KCNN3: variants seen among roughly 807,000 people sequenced by gnomAD.
The protein encoded by KCNN3 is potassium calcium-activated channel subfamily N member 3.
In KCNN3, 16 loss-of-function variants were observed where a neutral mutation model predicts 62.9. The ratio of observed to expected loss-of-function variants is 0.25; its 90% CI spans 0.17 to 0.39. The LOEUF is 0.39. Ranked by LOEUF, KCNN3 falls within the 10% of genes least tolerant of loss-of-function variation. The pLI is 1.00. For missense variants in KCNN3, 599 were observed against 949.4 expected, an observed-to-expected ratio of 0.63 and a Z score of 4.85; for synonymous variants, 370 against 389.2, an observed-to-expected ratio of 0.95 and a Z score of 0.58.
intron 2 of KCNN3, among the ~76,000 whole-genome samples, chr1:154,782,156 C>T (rs1649079147): frequency 6.6e-6 from 1 of 152,134 alleles, no homozygotes; most frequent in African/African-American, 2.4e-5. Flanking sequence ...GGTAGCAGGA[C>T]CCAGATCATT....
intron 1 of KCNN3, among the ~76,000 whole-genome samples, chr1:154,845,018 A>G (rs540026214): frequency 6.6e-6 from 1 of 151,228 alleles, no homozygotes; most frequent in African/African-American, 2.4e-5. Flanking sequence ...AAAACAAAAA[A>G]AAGAGAGAGA....
At chr1:154,732,293 C>T (rs995839751) in intron 4 of KCNN3, among the ~76,000 whole-genome samples, 3 of 152,122 alleles carry the variant, frequency 2.0e-5, no homozygotes, top group Admixed American at 6.5e-5. Context: ...TGTGCCTCCG[C>T]GAGAGTGTCG....
intron 2 of KCNN3, among the ~76,000 whole-genome samples, chr1:154,802,017 C>T (rs958515941): frequency 6.6e-5 from 10 of 152,138 alleles, no homozygotes; most frequent in Non-Finnish European, 1.0e-4. Flanking sequence ...TTACTGCATG[C>T]GGGGCACTGG....
At chr1:154,797,214 G>T (rs1649771511) in intron 2 of KCNN3, among the ~76,000 whole-genome samples, 1 of 152,186 alleles carries the variant, frequency 6.6e-6, no homozygotes, top group Non-Finnish European at 1.5e-5. Flanking sequence ...CATACTAATG[G>T]TTACCATATT....
At chr1:154,759,281 G>A (rs1571246908) in intron 3 of KCNN3, among the ~76,000 whole-genome samples, 1 of 152,234 alleles carries the variant, frequency 6.6e-6, no homozygotes, top group Non-Finnish European at 1.5e-5. Flanking sequence ...CAAACTCATG[G>A]AGAAGGGGCC....
intron 2 of KCNN3, among the ~76,000 whole-genome samples, chr1:154,775,730 C>T (rs1027351360): frequency 2.0e-5 from 3 of 152,142 alleles, no homozygotes; most frequent in African/African-American, 7.2e-5. Flanking sequence ...TCCTCCTTCC[C>T]CAGTGCAGCT....
intron 3 of KCNN3, among the ~76,000 whole-genome samples, chr1:154,766,177 C>T (rs2101832552): frequency 6.6e-6 from 1 of 151,814 alleles, no homozygotes; most frequent in South Asian, 2.1e-4. Context: ...CTTCTCACTT[C>T]TCCAGCTAGA....
At chr1:154,765,628 CTT>C (rs55633526) in intron 3 of KCNN3, among the ~76,000 whole-genome samples, 107 of 129,656 alleles carry the variant, frequency 8.3e-4, no homozygotes, top group Non-Finnish European at 1.0e-3. Flanking sequence ...TTTCTTTTTC[CTT>C]TTTTTTTTTT....
rs553235821 is a variant in KCNN3, at chr1:154,776,233, C to T, written c.1030-3840G>A. 6.6e-5 allele frequency among the ~76,000 whole-genome samples: 10 copies of T among 152,328 alleles called. No individual in the cohort carries two copies. In the East Asian group the frequency reaches 1.5e-3, roughly 23 times the overall value. ...GATCTCAGGCCGTGCGTGACTTCTC[C>T]GAGCTTGTTTCCACATCTCCAACAG... On this transcript the variant is annotated intron_variant, in intron 2 of 7. Transcript: ENST00000271915.
chr1:154,838,995 C>T (rs78633729), intron 1 of KCNN3, among the ~76,000 whole-genome samples: 6,129 of 152,284 alleles, frequency 0.04, 148 homozygotes, highest in Middle Eastern at 0.082. Flanking sequence ...CATCTCTAAC[C>T]GCTGATCTGC....
Position 154,700,136 on chromosome 1 carries a change from AATT to A in KCNN3, c.*7837_*7839del, listed in dbSNP as rs1394821007. ...CAAGGAAGAGATAGCTTCATTCTCT[AATT>A]ATTAACGAGGTTAGTTATCACTACG... On this transcript the variant is annotated 3_prime_UTR_variant, in exon 8 of 8. Coordinates refer to ENST00000271915, the MANE Select transcript of KCNN3 (RefSeq NM_002249.6). The A allele has an allele frequency of 6.6e-6, 1 of 152,190 alleles. No homozygotes were observed. Among genetic ancestry groups the A allele is most frequent in the African/African-American group, 2.4e-5 (1 of 41,434 alleles). 9.4% of individuals were successfully genotyped at this position (152,190 alleles called of 1,614,324 possible). A position where few individuals can be genotyped will look rare whatever the true frequency, so the allele number is the denominator to read the frequency against.
intron 1 of KCNN3, among the ~76,000 whole-genome samples, chr1:154,852,366 C>T (rs1185094356): frequency 6.8e-6 from 1 of 146,488 alleles, no homozygotes. Flanking sequence ...ACACACCCAG[C>T]TAATTTTTTT....
intron 1 of KCNN3, among the ~76,000 whole-genome samples, chr1:154,847,858 A>G (rs1652140357): frequency 6.6e-6 from 1 of 152,212 alleles, no homozygotes; most frequent in Non-Finnish European, 1.5e-5. Context: ...AAGCATCATA[A>G]TGCCCACTTT....
intron 6 of KCNN3, among the ~76,000 whole-genome samples, chr1:154,714,430 G>A: frequency 8.5e-6 from 1 of 118,038 alleles, no homozygotes; most frequent in Non-Finnish European, 1.8e-5. Flanking sequence ...GGGATGTGTG[G>A]TGTGTGGGGG....
intron 3 of KCNN3, among the ~76,000 whole-genome samples, chr1:154,756,352 AAAC>A (rs931869372): frequency 1.4e-4 from 22 of 152,182 alleles, no homozygotes; most frequent in African/African-American, 5.3e-4. Flanking sequence ...GAAGAAGAAG[AAAC>A]AACAAGTAAA....
intron 1 of KCNN3, among the ~76,000 whole-genome samples, chr1:154,828,403 G>A (rs567614768): frequency 6.6e-6 from 1 of 151,720 alleles, no homozygotes; most frequent in South Asian, 2.1e-4. Context: ...GAAATGTTGG[G>A]TGTGAAACGG....
chr1:154,779,790 C>T (rs1051229775), intron 2 of KCNN3, among the ~76,000 whole-genome samples: 5 of 152,298 alleles, frequency 3.3e-5, no homozygotes, highest in African/African-American at 4.8e-5. Context: ...CATCCTTGGA[C>T]GGCCAGCGAG....
chr1:154,803,382 C>T (rs1650037135), intron 2 of KCNN3, among the ~76,000 whole-genome samples: 1 of 152,244 alleles, frequency 6.6e-6, no homozygotes, highest in South Asian at 2.1e-4. Flanking sequence ...GAGGCAGTGA[C>T]ACTCTGAGCT....
rs1699784245 is a variant in KCNN3 at position 154,698,471 on chromosome 1, T to TG, written c.*9504dup. 1 of 152,164 alleles carries TG rather than the reference T, an allele frequency of 6.6e-6. No homozygotes were observed. Among genetic ancestry groups the TG allele is most frequent in the Admixed American group, 6.5e-5 (1 of 15,274 alleles). 9.4% of individuals were successfully genotyped at this position (152,164 alleles called of 1,614,324 possible). ...CCTGCCTATTATGAAAGTGTCACCA[T>TG]GGGGGCAGGGAGCTAGAGAGATTTA... On this transcript the variant is annotated 3_prime_UTR_variant, in exon 8 of 8. Transcript: ENST00000271915.
Sources: allele counts gnomAD v4.1 joint callset (sites outside exome capture counted in the v4.1 genomes callset), GRCh38; gene constraint gnomAD v4.1.1; transcripts MANE v1.5; gene names NCBI Gene and HGNC (gene_info 2026-07-23, HGNC 2026-07-21).